KIAA0319L: variants seen among roughly 807,000 people sequenced by gnomAD.
The protein encoded by KIAA0319L is dyslexia-associated protein KIAA0319-like protein.
In KIAA0319L, 55 loss-of-function variants were observed where a neutral mutation model predicts 120.1. The ratio of observed to expected loss-of-function variants is 0.46; its 90% CI spans 0.37 to 0.57. The LOEUF is 0.57. Among genes scored for constraint, KIAA0319L ranks in the 20% least tolerant of loss-of-function variants. The pLI is 0.00. For synonymous variants in KIAA0319L, 398 were observed against 471.9 expected, an observed-to-expected ratio of 0.84 and a Z score of 2.03; for missense variants, 1,049 against 1,255.3, an observed-to-expected ratio of 0.84 and a Z score of 2.48.
chr1:35,487,013 A>T (rs975556193), intron 3 of KIAA0319L, among the ~76,000 whole-genome samples: 7 of 152,176 alleles, frequency 4.6e-5, no homozygotes, highest in African/African-American at 1.7e-4. Context: ...ACTTGGAGCC[A>T]CCTTCTATTG....
At position 35,435,014 on chromosome 1, in the gene KIAA0319L, A is replaced by G. The variant is rs3814302; in HGVS notation, c.3030T>C (p.Asp1010=). The part of the protein sequence containing the change: ...LMHSESELDS[D]DAIFTWPDRE... ...GGTCTGGCCATGTAAAGATGGCATC[A>G]TCGCTGTCCAGCTCTGACTCGGAGT... Residue 1010 remains aspartate (D), a synonymous_variant, in exon 21 of 21, where the codon GAT becomes GAC. Coordinates refer to ENST00000325722, the MANE Select transcript of KIAA0319L (RefSeq NM_024874.5). The G allele has an allele frequency of 0.11, 171,508 of 1,614,008 alleles. 37,476 individuals carry two copies. Among genetic ancestry groups the G allele is most frequent in the East Asian group, 0.79 (35,362 of 44,860 alleles).
Position 35,441,121 on chromosome 1 carries a change from T to C in KIAA0319L, c.2888A>G (p.Lys963Arg), listed in dbSNP as rs774414365. The change falls in exon 20 of 21, where the codon AAG becomes AGG. Residue 963 changes from lysine (K) to arginine (R), a missense_variant. Physicochemically the swap from Lys to Arg is conservative, Grantham distance 26. Transcript: ENST00000325722. The part of the protein sequence containing the change: ...CCCKRQKGKP[K>R]RKSKYKILDA... ...CAGGATCTTGTACTTGCTTTTCCTCTTGGGTTTTCCTTTTTGCCTAAAAAA... is the reference window on the plus strand; with the variant it reads ...CAGGATCTTGTACTTGCTTTTCCTCCTGGGTTTTCCTTTTTGCCTAAAAAA... The C allele has an allele frequency of 1.2e-6, 2 of 1,614,168 alleles. No individual in the cohort carries two copies. The highest frequency in any genetic ancestry group is 3.3e-5 in the Admixed American group (2 of 60,022).
chr1:35,448,210 T>C lies in KIAA0319L; in HGVS notation c.2476A>G (p.Ile826Val). ...TACGGCTGAATCTTTTGCACAATGA[T>C]GTCGGAATCCAGCACCCCCAGGAGG... ...GVLLGVLDSD[I>V]IVQKIQPYTE... The change falls in exon 16 of 21, where the codon ATC (isoleucine) becomes GTC (valine). Residue 826 changes from isoleucine (I) to valine (V), a missense_variant. Ile to Val is a conservative substitution (Grantham distance 29). Coordinates refer to ENST00000325722, the MANE Select transcript of KIAA0319L (RefSeq NM_024874.5). The C allele has an allele frequency of 6.2e-7, 1 of 1,614,008 alleles. No individual in the cohort carries two copies. Among genetic ancestry groups the C allele is most frequent in the South Asian group, 1.1e-5 (1 of 91,054 alleles).
At chr1:35,525,789 C>A (rs1646102879) in intron 2 of KIAA0319L, among the ~76,000 whole-genome samples, 1 of 152,128 alleles carries the variant, frequency 6.6e-6, no homozygotes, top group Non-Finnish European at 1.5e-5. Flanking sequence ...TCAACGGGTT[C>A]TCTCTTCACT....
At chr1:35,483,437 T>G (rs1369201785) in intron 3 of KIAA0319L, among the ~76,000 whole-genome samples, 2 of 152,162 alleles carry the variant, frequency 1.3e-5, no homozygotes, top group African/African-American at 4.8e-5. Flanking sequence ...AGGGTCAAGG[T>G]TCATGTTTTT....
At chr1:35,524,753 G>T (rs1360445780) in intron 2 of KIAA0319L, among the ~76,000 whole-genome samples, 1 of 152,190 alleles carries the variant, frequency 6.6e-6, no homozygotes, top group Non-Finnish European at 1.5e-5. Context: ...ATACCTGTGA[G>T]TATTTGTTAC....
At position 35,434,576 on chromosome 1, in the gene KIAA0319L, C is replaced by T; in HGVS notation, c.*318G>A. Reference sequence around the variant, plus strand: ...GCACTCTGGGCACAATGACACTGTCCACTGGGGAGCTGCAGAGCTTAGCAG... The same window carrying T: ...GCACTCTGGGCACAATGACACTGTCTACTGGGGAGCTGCAGAGCTTAGCAG... On this transcript the variant is annotated 3_prime_UTR_variant, in exon 21 of 21. Transcript: ENST00000325722. 2 of 330,416 alleles carry T rather than the reference C, an allele frequency of 6.1e-6. No homozygotes were observed. The highest frequency in any genetic ancestry group is 2.1e-5 in the African/African-American group (1 of 46,680). 20.5% of individuals were successfully genotyped at this position (330,416 alleles called of 1,614,324 possible).
Position 35,434,968 on chromosome 1 carries a change from G to C in KIAA0319L, c.3076C>G (p.His1026Asp). The change falls in exon 21 of 21, where the codon CAT becomes GAT. Residue 1026 changes from histidine (H) to aspartate (D), a missense_variant. By Grantham distance (81) the His-to-Asp change is moderately conservative. Coordinates refer to ENST00000325722, the MANE Select transcript of KIAA0319L (RefSeq NM_024874.5). ...WPDREKGKLL[H>D]GQNGSVPNGQ... ...TTGGGTACAGAGCCATTCTGACCAT[G>C]CAGGAGTTTGCCCTTCTCTCGGTCT... 1 of 1,614,164 alleles carries C rather than the reference G, an allele frequency of 6.2e-7. No individual in the cohort carries two copies. Among genetic ancestry groups the C allele is most frequent in the Non-Finnish European group, 8.5e-7 (1 of 1,180,048 alleles).
At chr1:35,456,824 A>G (rs1406607571) in intron 9 of KIAA0319L, among the ~76,000 whole-genome samples, 3 of 146,542 alleles carry the variant, frequency 2.0e-5, no homozygotes, top group African/African-American at 7.6e-5. Flanking sequence ...AAAAAAAGAA[A>G]AAGGAAGGAA....
intron 16 of KIAA0319L, among the ~76,000 whole-genome samples, chr1:35,447,943 G>A (rs988700238): frequency 6.6e-6 from 1 of 152,114 alleles, no homozygotes; most frequent in Admixed American, 6.5e-5. Flanking sequence ...CTACTAGACT[G>A]TGGTTGTCAA....
chr1:35,521,830 G>C (rs949467290), intron 2 of KIAA0319L, among the ~76,000 whole-genome samples: 2 of 151,216 alleles, frequency 1.3e-5, no homozygotes, highest in Non-Finnish European at 2.9e-5. Context: ...AAAATTAGCC[G>C]GTCATGGTGG....
chr1:35,491,462 G>A (rs941780130), intron 3 of KIAA0319L, among the ~76,000 whole-genome samples: 2 of 151,980 alleles, frequency 1.3e-5, no homozygotes, highest in African/African-American at 4.8e-5. Flanking sequence ...AGAGAAAAAA[G>A]AAACATGATA....
chr1:35,477,220 T>C (rs2149136149), intron 4 of KIAA0319L, among the ~76,000 whole-genome samples: 1 of 151,374 alleles, frequency 6.6e-6, no homozygotes, highest in South Asian at 2.1e-4. Flanking sequence ...ATATAAAGAG[T>C]TCAAACAACT....
At chr1:35,555,333 G>A (rs1039545208) in intron 1 of KIAA0319L, among the ~76,000 whole-genome samples, 2 of 152,178 alleles carry the variant, frequency 1.3e-5, no homozygotes, top group African/African-American at 4.8e-5. Flanking sequence ...TCTACATCCA[G>A]CAAACGACAC....
At chr1:35,541,569 T>G (rs1170627502) in intron 2 of KIAA0319L, among the ~76,000 whole-genome samples, 1 of 151,888 alleles carries the variant, frequency 6.6e-6, no homozygotes, top group African/African-American at 2.4e-5. Context: ...AGGCTGGTCT[T>G]GAATTCCTGA....
At chr1:35,526,429 A>G (rs552953980) in intron 2 of KIAA0319L, among the ~76,000 whole-genome samples, 18 of 139,410 alleles carry the variant, frequency 1.3e-4, no homozygotes, top group Non-Finnish European at 2.0e-4. Context: ...ACATATATAT[A>G]TGTATATATA....
chr1:35,444,415 T>G (rs538251060), intron 16 of KIAA0319L, 112 bp from the exon 17 acceptor site: 3 of 1,016,880 alleles, frequency 3.0e-6, no homozygotes, highest in Non-Finnish European at 4.1e-6. Flanking sequence ...AAGTGTTACA[T>G]GCATTCTGTT....
chr1:35,453,602 C>T lies in KIAA0319L; in HGVS notation c.1868G>A (p.Ser623Asn). The part of the protein sequence containing the change: ...VDSTTLDGSK[S>N]SDDQKIISYL... The stretch of plus-strand genomic sequence containing the variant: ...TGAGATAATTTTCTGATCATCTGAG[C>T]TCTTGCTGCCATCCAGGGTTGTGCT... The change falls in exon 12 of 21, where the codon AGC (serine) becomes AAC (asparagine). Residue 623 changes from serine to asparagine, a missense_variant. Physicochemically the swap from Ser to Asn is conservative, Grantham distance 46. Transcript: ENST00000325722. This position sits in a 1 kb window ranked among gnomAD's most constrained non-coding sequence, Gnocchi z 4.1. 1.2e-6 allele frequency: 2 copies of T among 1,614,064 alleles called. No homozygotes were observed. Among genetic ancestry groups the T allele is most frequent in the Non-Finnish European group, 1.7e-6 (2 of 1,179,958 alleles).
At chr1:35,460,019 A>G (rs561871949) in intron 9 of KIAA0319L, among the ~76,000 whole-genome samples, 1 of 152,338 alleles carries the variant, frequency 6.6e-6, no homozygotes, top group Admixed American at 6.5e-5. Flanking sequence ...TTCATTTAAC[A>G]ACAGAAATCC....
Sources: allele counts gnomAD v4.1 joint callset (sites outside exome capture counted in the v4.1 genomes callset), GRCh38; gene constraint gnomAD v4.1.1; non-coding constraint Gnocchi (gnomAD v3.1); transcripts MANE v1.5; gene names NCBI Gene and HGNC (gene_info 2026-07-23, HGNC 2026-07-21).